Variants in MOXD1 observed in about 807,000 individuals in gnomAD.
MOXD1 encodes DBH-like monooxygenase protein 1.
A neutral mutation model predicts 66.6 loss-of-function variants in MOXD1; 62 were observed. The ratio of observed to expected loss-of-function variants is 0.93; its 90% CI spans 0.76 to 1.15. The LOEUF (loss-of-function observed/expected upper bound fraction) is 1.15. Ranked by LOEUF, MOXD1 falls within the 50% of genes most tolerant of loss-of-function variation. The probability of loss-of-function intolerance (pLI) is 0.00; values close to 1 mark genes in which losing one functional copy is unlikely to be tolerated. For missense variants in MOXD1, 847 were observed against 754.6 expected (o/e 1.12, Z -1.44); for synonymous variants, 303 against 281.9 (o/e 1.07, Z -0.75).
intron 1 of MOXD1, among the ~76,000 whole-genome samples, chr6:132,397,682 GAAAGAAAGAAAGAA>G (rs1776923799): frequency 1.5e-5 from 2 of 132,574 alleles, no homozygotes; most frequent in African/African-American, 5.7e-5. Flanking sequence ...AAGAAAGAAA[GAAAGAAAGAAAGAA>G]AGAAAAAGAA....
intron 8 of MOXD1, among the ~76,000 whole-genome samples, chr6:132,322,347 G>A (rs970276115): frequency 1.3e-5 from 2 of 152,082 alleles, no homozygotes; most frequent in African/African-American, 2.4e-5. Flanking sequence ...ACCACTGCAG[G>A]AATTGCAACC....
Position 132,296,945 on chromosome 6 carries a change from T to C in MOXD1, c.*208A>G, listed in dbSNP as rs1774414281. 1 of 435,638 alleles carries C rather than the reference T, an allele frequency of 2.3e-6. No homozygotes were observed. Among genetic ancestry groups the C allele is most frequent in the East Asian group, 3.4e-5 (1 of 29,832 alleles). The allele number at this position is 435,638 out of a possible 1,614,324, so 27.0% of individuals were successfully genotyped here. On this transcript the variant is annotated 3_prime_UTR_variant, in exon 12 of 12. Coordinates refer to ENST00000367963, the MANE Select transcript of MOXD1 (RefSeq NM_015529.4). ...CAGGCCAGTTTTATTTTATTGACCA[T>C]GTATATATAACATCAGATATTTCTA...
At chr6:132,297,638 A>G (rs968840301) in intron 11 of MOXD1, 149 bp downstream of exon 11, 6 of 972,566 alleles carry the variant, frequency 6.2e-6, no homozygotes, top group Non-Finnish European at 8.9e-6. Flanking sequence ...TTTTCAGTCA[A>G]TCCAAGTAAT....
intron 1 of MOXD1, among the ~76,000 whole-genome samples, chr6:132,384,897 TTTC>T (rs2114682499): frequency 1.3e-5 from 2 of 152,334 alleles, no homozygotes; most frequent in South Asian, 4.1e-4. Flanking sequence ...TATCTCTGTA[TTTC>T]TGTGGCTTCC....
chr6:132,351,552 A>G (rs1775803110), intron 4 of MOXD1, among the ~76,000 whole-genome samples: 1 of 152,044 alleles, frequency 6.6e-6, no homozygotes, highest in South Asian at 2.1e-4. Flanking sequence ...CTAGCATTTT[A>G]TTAGGGATTT....
intron 1 of MOXD1, chr6:132,391,960 G>A (rs149500125): frequency 0.028 from 12,876 of 462,850 alleles, 269 homozygotes; most frequent in Middle Eastern, 0.037. Context: ...CACAAAGCAC[G>A]ACACTTGGAG....
At chr6:132,317,945 C>A (rs188509390) in intron 9 of MOXD1, among the ~76,000 whole-genome samples, 2 of 152,118 alleles carry the variant, frequency 1.3e-5, no homozygotes, top group African/African-American at 4.8e-5. Flanking sequence ...TACATAATAT[C>A]ACACTATATA....
intron 10 of MOXD1, among the ~76,000 whole-genome samples, chr6:132,307,441 T>A (rs1258108465): frequency 6.6e-6 from 1 of 152,172 alleles, no homozygotes; most frequent in African/African-American, 2.4e-5. Context: ...CACCCCAATG[T>A]CAGTATTAGA....
intron 10 of MOXD1, among the ~76,000 whole-genome samples, chr6:132,309,432 A>G (rs976240720): frequency 8.5e-5 from 13 of 152,234 alleles, no homozygotes; most frequent in Admixed American, 8.5e-4. Flanking sequence ...TATCATGAAA[A>G]TGGTCATACT....
intron 4 of MOXD1, among the ~76,000 whole-genome samples, chr6:132,336,605 G>C (rs1775444237): frequency 6.6e-6 from 1 of 152,186 alleles, no homozygotes; most frequent in South Asian, 2.1e-4. Flanking sequence ...CCACTCTGAA[G>C]AAGGTAAGGG....
chr6:132,340,594 A>G (rs1374153385), intron 4 of MOXD1, among the ~76,000 whole-genome samples: 1 of 150,578 alleles, frequency 6.6e-6, no homozygotes, highest in African/African-American at 2.5e-5. Context: ...ACACTTTTTT[A>G]AGAGAACAAT....
intron 4 of MOXD1, among the ~76,000 whole-genome samples, chr6:132,340,474 A>G (rs1775529515): frequency 6.8e-6 from 1 of 147,410 alleles, no homozygotes; most frequent in East Asian, 2.0e-4. Flanking sequence ...TAAATGGGAA[A>G]TAGGTTAAGG....
chr6:132,384,784 C>A (rs1307236158), intron 1 of MOXD1, among the ~76,000 whole-genome samples: 1 of 152,200 alleles, frequency 6.6e-6, no homozygotes, highest in East Asian at 1.9e-4. Context: ...AAAGAGGTCC[C>A]TGAGGTCAGC....
At chr6:132,371,581 T>C (rs765902717) in intron 4 of MOXD1, among the ~76,000 whole-genome samples, 6 of 152,208 alleles carry the variant, frequency 3.9e-5, no homozygotes, top group Non-Finnish European at 5.9e-5. Context: ...TCAGTGTTTC[T>C]ATCTCTGCTA....
intron 4 of MOXD1, among the ~76,000 whole-genome samples, chr6:132,356,173 T>A (rs182471270): frequency 2.0e-5 from 3 of 152,228 alleles, no homozygotes; most frequent in Admixed American, 6.5e-5. Flanking sequence ...GTTCACCTTA[T>A]GAAAATTCAA....
chr6:132,335,497 C>T (rs1582578952), intron 4 of MOXD1, among the ~76,000 whole-genome samples: 1 of 152,020 alleles, frequency 6.6e-6, no homozygotes, highest in South Asian at 2.1e-4. Context: ...TAGATACATA[C>T]AGAGAGAAGA....
intron 4 of MOXD1, among the ~76,000 whole-genome samples, chr6:132,343,288 T>C (rs1775601016): frequency 6.6e-6 from 1 of 152,120 alleles, no homozygotes; most frequent in Admixed American, 6.5e-5. Context: ...CAAAACTTCA[T>C]GGAAGTCTGG....
chr6:132,392,201 G>T, intron 1 of MOXD1: 5 of 1,590,748 alleles, frequency 3.1e-6, no homozygotes, highest in Non-Finnish European at 4.3e-6. Context: ...TTTCAAATCA[G>T]TTCCAAGCAC....
intron 10 of MOXD1, among the ~76,000 whole-genome samples, chr6:132,306,552 C>T (rs564272840): frequency 6.6e-6 from 1 of 152,060 alleles, no homozygotes; most frequent in Non-Finnish European, 1.5e-5. Context: ...CCCCAAGACA[C>T]ATAATAATCA....
Sources: allele counts gnomAD v4.1 joint callset (sites outside exome capture counted in the v4.1 genomes callset), GRCh38; gene constraint gnomAD v4.1.1; transcripts MANE v1.5; gene names NCBI Gene and HGNC (gene_info 2026-07-23, HGNC 2026-07-21).